ZSCAN25: variants seen among roughly 807,000 people sequenced by gnomAD.
ZSCAN25 encodes zinc finger and SCAN domain containing 25.
Under a neutral mutation model 38.7 loss-of-function variants are expected in ZSCAN25, and 27 were observed. The ratio of observed to expected loss-of-function variants is 0.70; its 90% CI spans 0.51 to 0.96. The LOEUF (loss-of-function observed/expected upper bound fraction) is 0.96. Ranked by LOEUF, ZSCAN25 falls within the 40% of genes least tolerant of loss-of-function variation. ZSCAN25 has a pLI of 0.00. For missense variants in ZSCAN25, 637 were observed against 705.9 expected (o/e 0.90, Z 1.11); for synonymous variants, 273 against 277.7 (o/e 0.98, Z 0.17).
the ZSCAN25 span, among the ~76,000 whole-genome samples, chr7:99,731,694 C>T: frequency 1.7e-4 from 26 of 152,174 alleles, no homozygotes; most frequent in Non-Finnish European, 8.8e-5. Flanking sequence ...TAAGCTCTGA[C>T]CCTGTTTTAG....
chr7:99,736,241 C>T, the ZSCAN25 span, among the ~76,000 whole-genome samples: 1 of 152,172 alleles, frequency 6.6e-6, no homozygotes, highest in Non-Finnish European at 1.5e-5. Flanking sequence ...AGAACAGCTG[C>T]CCAGATGGCC....
At chr7:99,727,586 C>A in the ZSCAN25 span, among the ~76,000 whole-genome samples, 1 of 152,098 alleles carries the variant, frequency 6.6e-6, no homozygotes, top group East Asian at 1.9e-4. Context: ...CCCATATTTC[C>A]TTCTTTCCTG....
the ZSCAN25 span, among the ~76,000 whole-genome samples, chr7:99,716,077 G>A: frequency 6.6e-6 from 1 of 152,146 alleles, no homozygotes; most frequent in Non-Finnish European, 1.5e-5. Context: ...TGATTATCAG[G>A]TGTCAGTGAC....
chr7:99,733,057 G>C, the ZSCAN25 span, among the ~76,000 whole-genome samples: 1 of 152,212 alleles, frequency 6.6e-6, no homozygotes, highest in East Asian at 1.9e-4. Context: ...ACCCAGCAGA[G>C]ACAGCATAGC....
At chr7:99,662,968 CT>C in the ZSCAN25 span, 1 of 1,575,556 alleles carries the variant, frequency 6.3e-7, no homozygotes, top group East Asian at 2.3e-5. The surrounding 1 kb of genome is among the most constrained non-coding windows in gnomAD (Gnocchi z 4.3). Context: ...AACCTCCCTT[CT>C]TGACTTCCCT....
intron 7 of ZSCAN25, among the ~76,000 whole-genome samples, chr7:99,627,679 A>T (rs1465775483): frequency 6.6e-6 from 1 of 151,804 alleles, no homozygotes; most frequent in African/African-American, 2.4e-5. Context: ...TACGTATATC[A>T]TGTATATGCT....
chr7:99,651,021 T>C, the ZSCAN25 span, among the ~76,000 whole-genome samples: 52 of 152,216 alleles, frequency 3.4e-4, no homozygotes, highest in African/African-American at 1.2e-3. Flanking sequence ...GGCATTGTTG[T>C]CATATGTTTT....
intron 5 of ZSCAN25, 143 bp from the exon 6 acceptor site, chr7:99,622,406 G>T: frequency 1.3e-6 from 1 of 789,890 alleles, no homozygotes; most frequent in East Asian, 2.5e-5. Context: ...GGGAAAGTGT[G>T]GTACCAGAGT....
chr7:99,728,107 C>T, the ZSCAN25 span, among the ~76,000 whole-genome samples: 74 of 152,290 alleles, frequency 4.9e-4, 1 homozygote, highest in African/African-American at 1.7e-3. Flanking sequence ...TATTTACTCT[C>T]CCACTGAAGT....
the ZSCAN25 span, chr7:99,705,188 T>C: frequency 7.3e-6 from 2 of 275,596 alleles, no homozygotes; most frequent in Non-Finnish European, 1.4e-5. Context: ...TTGAGAAATG[T>C]TAATTATGTT....
chr7:99,674,522 A>G, the ZSCAN25 span: 1 of 1,612,728 alleles, frequency 6.2e-7, no homozygotes, highest in East Asian at 2.2e-5. Context: ...GGAGGTTTTC[A>G]GAATACTCAC....
the ZSCAN25 span, chr7:99,676,500 A>G: frequency 3.2e-4 from 447 of 1,389,908 alleles, 5 homozygotes; most frequent in South Asian, 5.0e-3. Flanking sequence ...AGGTTCAGGC[A>G]GGAATTCTTC....
At chr7:99,660,721 T>A in the ZSCAN25 span, 7 of 1,570,050 alleles carry the variant, frequency 4.5e-6, no homozygotes, top group South Asian at 1.1e-5. Context: ...ACAGCTTAGA[T>A]GAAATCTAAG....
chr7:99,677,717 C>T, the ZSCAN25 span, among the ~76,000 whole-genome samples: 6 of 152,234 alleles, frequency 3.9e-5, no homozygotes, highest in East Asian at 5.8e-4. Flanking sequence ...AGTGGAAGTG[C>T]GTGCACCACC....
At position 99,631,703 on chromosome 7, in the gene ZSCAN25, G is replaced by C. The variant is rs1808010993; in HGVS notation, c.*1683G>C. ...TATTACTCAGCCCACTTTGAAACGT[G>C]GTTTTATCACCTGTTCTTGTTAGGC... On this transcript the variant is annotated 3_prime_UTR_variant, in exon 8 of 8. Coordinates refer to ENST00000394152, the MANE Select transcript of ZSCAN25 (RefSeq NM_145115.3). 1.0e-6 allele frequency: 1 copy of C among 985,100 alleles called. No homozygotes were observed. The highest frequency in any genetic ancestry group is 1.8e-5 in the African/African-American group (1 of 57,142). 61.0% of individuals were successfully genotyped at this position (985,100 alleles called of 1,614,324 possible). A position where few individuals can be genotyped will look rare whatever the true frequency, so the allele number is the denominator to read the frequency against.
the ZSCAN25 span, among the ~76,000 whole-genome samples, chr7:99,708,689 A>G: frequency 6.6e-6 from 1 of 152,132 alleles, no homozygotes; most frequent in Non-Finnish European, 1.5e-5. Context: ...TTGATTCCTG[A>G]AGATTTGAGT....
At chr7:99,714,788 G>T in the ZSCAN25 span, 1 of 1,538,016 alleles carries the variant, frequency 6.5e-7, no homozygotes, top group Non-Finnish European at 8.7e-7. Context: ...AAATACATCA[G>T]TGTTCTCAAC....
chr7:99,712,996 C>T, the ZSCAN25 span, among the ~76,000 whole-genome samples: 1 of 152,192 alleles, frequency 6.6e-6, no homozygotes, highest in Non-Finnish European at 1.5e-5. Flanking sequence ...AACACACTTT[C>T]ACCAAAAATT....
the ZSCAN25 span, among the ~76,000 whole-genome samples, chr7:99,734,447 A>G: frequency 6.6e-6 from 1 of 152,066 alleles, no homozygotes; most frequent in African/African-American, 2.4e-5. Flanking sequence ...ACCATTGTCT[A>G]TTAGATTATC....
Sources: allele counts gnomAD v4.1 joint callset (sites outside exome capture counted in the v4.1 genomes callset), GRCh38; gene constraint gnomAD v4.1.1; non-coding constraint Gnocchi (gnomAD v3.1); transcripts MANE v1.5; gene names NCBI Gene and HGNC (gene_info 2026-07-23, HGNC 2026-07-21).